EDNRB: variants seen among roughly 807,000 people sequenced by gnomAD.
EDNRB encodes Hirschsprung disease 2.
Under a neutral mutation model 46.4 loss-of-function variants are expected in EDNRB, and 18 were observed. The observed-to-expected ratio is 0.39, with a 90% confidence interval of 0.27 to 0.57. EDNRB has a LOEUF of 0.57. EDNRB is among the 20% of genes least tolerant of loss of function. The pLI is 0.61. For missense variants in EDNRB, 434 were observed against 537.5 expected (o/e 0.81, Z 1.90); for synonymous variants, 213 against 204.9 (o/e 1.04, Z -0.34).
intron 1 of EDNRB, among the ~76,000 whole-genome samples, chr13:77,937,577 T>C (rs145612709): frequency 0.014 from 2,176 of 152,268 alleles, 46 homozygotes; most frequent in East Asian, 0.024. Context: ...GTACTTGTAC[T>C]TTGACTATGC....
chr13:77,922,507 G>T (rs945998906), upstream of EDNRB, among the ~76,000 whole-genome samples: 2 of 152,170 alleles, frequency 1.3e-5, no homozygotes, highest in African/African-American at 4.8e-5. Context: ...CATGAATGCT[G>T]AGAGACAAGG....
intron 1 of EDNRB, among the ~76,000 whole-genome samples, chr13:77,940,347 A>C (rs1485926881): frequency 6.6e-6 from 1 of 151,628 alleles, no homozygotes; most frequent in Non-Finnish European, 1.5e-5. Context: ...TTTCATAGAG[A>C]AGGTGATAAT....
upstream of EDNRB, chr13:77,919,174 A>C (rs1879982264): frequency 1.8e-6 from 1 of 570,902 alleles, no homozygotes; most frequent in Admixed American, 3.4e-5. Context: ...GAGATTCGGA[A>C]ACCCGCAGAG....
chr13:77,955,457 A>C (rs764905159), intron 1 of EDNRB, among the ~76,000 whole-genome samples: 25 of 152,264 alleles, frequency 1.6e-4, no homozygotes, highest in Admixed American at 5.9e-4. Flanking sequence ...TTTGCCATGC[A>C]AAAGTATTTA....
rs371950096 is a variant in EDNRB, at chr13:77,955,909, AC to A, written c.-52+19437del. Among the ~76,000 whole-genome samples, 1,020 of 148,986 alleles carry A rather than the reference AC, an allele frequency of 6.8e-3. 4 individuals carry two copies. The highest frequency in any genetic ancestry group is 0.016 in the South Asian group (77 of 4,802). ...TCTATCTATCTATTTTTATGCCAGT[AC>A]CATACTGTTTTAATCACAGTAGTTT... On this transcript the variant is annotated intron_variant, in intron 1 of 7. Transcript: ENST00000646948.
chr13:77,920,104 T>C (rs989212903), upstream of EDNRB, among the ~76,000 whole-genome samples: 1 of 152,156 alleles, frequency 6.6e-6, no homozygotes, highest in Non-Finnish European at 1.5e-5. Flanking sequence ...TTTTCCCCAG[T>C]ACAGCTCTTC....
chr13:77,957,897 C>T (rs751710235), intron 1 of EDNRB, among the ~76,000 whole-genome samples: 4 of 152,146 alleles, frequency 2.6e-5, no homozygotes, highest in African/African-American at 4.8e-5. Flanking sequence ...AAAGAAATCA[C>T]ATAAAAGGAT....
In EDNRB at chr13:77,948,882, A is replaced by G. The variant is rs1222914156; in HGVS notation, c.-52+26465T>C. Among the ~76,000 whole-genome samples the G allele has an allele frequency of 2.6e-5, 4 of 152,210 alleles. No individual in the cohort carries two copies. In the East Asian group the frequency reaches 7.7e-4, roughly 29 times the overall value. On this transcript the variant is annotated intron_variant, in intron 1 of 7. Transcript: ENST00000646948. ...TATGATGTTCTCACAAAGCTAAAGA[A>G]AATACCTTGGGAAGTAAAACATAAA... is the stretch of plus-strand genomic sequence containing the variant.
At chr13:77,933,770 C>T (rs1216782614) in intron 1 of EDNRB, among the ~76,000 whole-genome samples, 1 of 152,060 alleles carries the variant, frequency 6.6e-6, no homozygotes, top group Non-Finnish European at 1.5e-5. Context: ...TTAGGGGTAG[C>T]GTGGGAACCT....
chr13:77,959,867 T>C (rs1202883412), intron 1 of EDNRB, among the ~76,000 whole-genome samples: 3 of 152,158 alleles, frequency 2.0e-5, no homozygotes, highest in Non-Finnish European at 4.4e-5. Flanking sequence ...CAAAAAACCA[T>C]GGCACAAGAA....
At chr13:77,935,072 C>T (rs562750908) in intron 1 of EDNRB, among the ~76,000 whole-genome samples, 189 of 151,180 alleles carry the variant, frequency 1.3e-3, no homozygotes, top group Non-Finnish European at 1.6e-3. Context: ...CTGAAGGAGC[C>T]GGGGAGCAGA....
At chr13:77,942,897 T>G (rs547712192) in intron 1 of EDNRB, among the ~76,000 whole-genome samples, 2 of 152,262 alleles carry the variant, frequency 1.3e-5, no homozygotes, top group African/African-American at 4.8e-5. Flanking sequence ...TCCCTCTACT[T>G]ATAGTAATGG....
intron 1 of EDNRB, among the ~76,000 whole-genome samples, chr13:77,973,346 A>G (rs1881792571): frequency 6.6e-6 from 1 of 152,198 alleles, no homozygotes; most frequent in South Asian, 2.1e-4. Flanking sequence ...AACCTTGCAG[A>G]CATATTTATC....
intron 1 of EDNRB, among the ~76,000 whole-genome samples, chr13:77,968,086 A>G: frequency 6.6e-6 from 1 of 152,194 alleles, no homozygotes; most frequent in East Asian, 1.9e-4. Flanking sequence ...GTAATATTAC[A>G]CCATATGAAA....
intron 1 of EDNRB, among the ~76,000 whole-genome samples, chr13:77,951,658 C>T (rs1385730019): frequency 6.6e-6 from 1 of 152,118 alleles, no homozygotes; most frequent in Admixed American, 6.6e-5. Flanking sequence ...GTGTCAAACC[C>T]GTTCTTAGCC....
At chr13:77,963,808 G>A (rs1474166600) in intron 1 of EDNRB, among the ~76,000 whole-genome samples, 1 of 152,126 alleles carries the variant, frequency 6.6e-6, no homozygotes, top group African/African-American at 2.4e-5. Flanking sequence ...CACAGCAAAA[G>A]AAACTACCAT....
intron 1 of EDNRB, among the ~76,000 whole-genome samples, chr13:77,906,969 G>C (rs1047398630): frequency 7.2e-5 from 11 of 151,948 alleles, no homozygotes; most frequent in Non-Finnish European, 1.3e-4. Flanking sequence ...ATACCTGCCC[G>C]ACAGTGGTTT....
chr13:77,959,742 G>A (rs1881350203), intron 1 of EDNRB, among the ~76,000 whole-genome samples: 1 of 152,190 alleles, frequency 6.6e-6, no homozygotes, highest in East Asian at 1.9e-4. Context: ...ACTTCTCCGA[G>A]CTAAAGGAGG....
chr13:77,971,243 A>T (rs1881720277), intron 1 of EDNRB, among the ~76,000 whole-genome samples: 1 of 152,204 alleles, frequency 6.6e-6, no homozygotes, highest in Non-Finnish European at 1.5e-5. Flanking sequence ...TTCACAGAGC[A>T]AGCTTTGGTT....
Sources: gnomAD v4.1 joint callset for allele counts (sites outside exome capture counted in the v4.1 genomes callset) on GRCh38, gnomAD v4.1.1 for gene constraint, MANE v1.5 for transcripts, NCBI Gene and HGNC (gene_info 2026-07-23, HGNC 2026-07-21) for gene names.